Variants in CCDC15 observed in about 807,000 individuals in gnomAD.
CCDC15 encodes the protein coiled-coil domain-containing protein 15.
A neutral mutation model predicts 114.5 loss-of-function variants in CCDC15; 105 were observed. That is an observed-to-expected ratio of 0.92 (90% CI 0.78 to 1.08). The LOEUF (loss-of-function observed/expected upper bound fraction) is 1.08, where lower values mean the gene tolerates loss of function less well. CCDC15 is among the 50% of genes least tolerant of loss of function. The probability of loss-of-function intolerance (pLI) is 0.00; values close to 1 mark genes in which losing one functional copy is unlikely to be tolerated. For missense variants in CCDC15, 1,105 were observed against 1,093.6 expected (o/e 1.01, Z -0.15); for synonymous variants, 334 against 377.8 (o/e 0.88, Z 1.34).
At chr11:125,003,798 A>T in intron 11 of CCDC15, 69 bp from the exon 12 acceptor site, 2 of 820,456 alleles carry the variant, frequency 2.4e-6, no homozygotes, top group Non-Finnish European at 3.8e-6. Context: ...ACAGATAAAA[A>T]TATCAAAATT....
chr11:124,954,943 T>C (rs12272437), intron 2 of CCDC15, 34 bp downstream of exon 2: 262,035 of 1,587,816 alleles, frequency 0.17, 23,508 homozygotes, highest in African/African-American at 0.34. Flanking sequence ...ATGGTGGGGT[T>C]CCCCACCACC....
At chr11:125,017,724 C>T (rs1948637722) in intron 13 of CCDC15, among the ~76,000 whole-genome samples, 1 of 152,014 alleles carries the variant, frequency 6.6e-6, no homozygotes, top group African/African-American at 2.4e-5. Flanking sequence ...GTTATTGCCT[C>T]TGAAAACTGT....
At chr11:124,975,861 CTA>C (rs35308762) in intron 5 of CCDC15, among the ~76,000 whole-genome samples, 30,768 of 151,790 alleles carry the variant, frequency 0.2, 3,685 homozygotes, top group African/African-American at 0.33. Flanking sequence ...AAAATTGAAA[CTA>C]TTAATTTTTA....
chr11:125,004,975 C>T (rs1323519052), intron 12 of CCDC15, 134 bp from the exon 13 acceptor site: 1 of 491,610 alleles, frequency 2.0e-6, no homozygotes, highest in Non-Finnish European at 3.7e-6. Context: ...AAATTAAAGA[C>T]TTAATCATGT....
intron 14 of CCDC15, 84 bp from the exon 15 acceptor site, chr11:125,038,837 A>C: frequency 7.1e-7 from 1 of 1,416,460 alleles, no homozygotes; most frequent in East Asian, 2.3e-5. Context: ...TAGATTTAAC[A>C]GTTAAATCTG....
Position 124,992,678 on chromosome 11 carries a change from T to A in CCDC15, c.2130T>A (p.Pro710=). The change falls in exon 10 of 16, where the codon CCT becomes CCA. Residue 710 remains proline (P), a synonymous_variant. Transcript: ENST00000344762. The stretch of plus-strand genomic sequence containing the variant: ...CTAAAATCCAGGACCAAGACTCCCC[T>A]AGAGAACAGGTAGAACCGAATACAG... The part of the protein sequence containing the change: ...VVPKIQDQDS[P]REQNKHIKLP... 4 of 1,568,068 alleles carry A rather than the reference T, an allele frequency of 2.6e-6. No individual in the cohort carries two copies. Among genetic ancestry groups the A allele is most frequent in the Non-Finnish European group, 3.5e-6 (4 of 1,148,330 alleles).
chr11:124,993,332 T>C (rs1948303933), intron 11 of CCDC15, 89 bp downstream of exon 11: 1 of 819,064 alleles, frequency 1.2e-6, no homozygotes, highest in Non-Finnish European at 2.0e-6. Flanking sequence ...AAATTGCTTT[T>C]TTTTTGGCTG....
intron 13 of CCDC15, among the ~76,000 whole-genome samples, chr11:125,024,694 G>GT: frequency 6.6e-6 from 1 of 152,078 alleles, no homozygotes; most frequent in Middle Eastern, 3.4e-3. Context: ...ATTCCAGTGG[G>GT]TTTTTTACTT....
intron 2 of CCDC15, 77 bp downstream of exon 2, chr11:124,954,986 T>A: frequency 7.6e-7 from 1 of 1,322,962 alleles, no homozygotes; most frequent in Non-Finnish European, 1.1e-6. Flanking sequence ...CCTGGGTGCT[T>A]AAAGATGAAC....
intron 13 of CCDC15, among the ~76,000 whole-genome samples, chr11:125,022,982 C>A (rs1257167594): frequency 6.6e-6 from 1 of 151,852 alleles, no homozygotes; most frequent in African/African-American, 2.4e-5. Context: ...ACTTGATATA[C>A]AATAAACTGT....
At chr11:124,975,242 A>C (rs1446865838) in intron 5 of CCDC15, 33 bp downstream of exon 5, 3 of 1,280,818 alleles carry the variant, frequency 2.3e-6, no homozygotes, top group Non-Finnish European at 2.2e-6. Context: ...ATTTAAAAAA[A>C]TACAGGTAAA....
chr11:124,957,406 A>T (rs12273955), intron 2 of CCDC15, among the ~76,000 whole-genome samples: 30,856 of 152,108 alleles, frequency 0.2, 3,723 homozygotes, highest in African/African-American at 0.33. Context: ...TTCTCTTTTC[A>T]CATGGCTTCT....
intron 4 of CCDC15, among the ~76,000 whole-genome samples, chr11:124,970,002 G>A (rs11821171): frequency 0.065 from 9,569 of 146,494 alleles, 370 homozygotes; most frequent in African/African-American, 0.11. Context: ...AAGATCGAGG[G>A]GTTTCCAGGA....
chr11:125,035,266 C>T (rs1410947698), intron 13 of CCDC15, among the ~76,000 whole-genome samples: 2 of 152,134 alleles, frequency 1.3e-5, no homozygotes, highest in Non-Finnish European at 2.9e-5. Context: ...CTCACAGAAA[C>T]AGTCAGGAAT....
intron 13 of CCDC15, among the ~76,000 whole-genome samples, chr11:125,021,718 G>C (rs1024750688): frequency 6.6e-6 from 1 of 151,706 alleles, no homozygotes; most frequent in Non-Finnish European, 1.5e-5. Context: ...AAAGAGGGAC[G>C]GGGCTGACTC....
intron 6 of CCDC15, among the ~76,000 whole-genome samples, chr11:124,986,326 C>T (rs1948155805): frequency 6.6e-6 from 1 of 152,150 alleles, no homozygotes; most frequent in African/African-American, 2.4e-5. Context: ...TGTTTTGCTA[C>T]TATGGGTTCC....
At chr11:124,988,745 T>A (rs948841616) in intron 8 of CCDC15, among the ~76,000 whole-genome samples, 3 of 152,198 alleles carry the variant, frequency 2.0e-5, no homozygotes, top group Non-Finnish European at 2.9e-5. Context: ...TTTAACAATG[T>A]TCACAGTAGA....
At chr11:125,020,944 C>T (rs1487816436) in intron 13 of CCDC15, among the ~76,000 whole-genome samples, 2 of 151,468 alleles carry the variant, frequency 1.3e-5, no homozygotes, top group Non-Finnish European at 3.0e-5. Context: ...AGGAGAATAC[C>T]TGTGAGACAT....
At position 124,987,586 on chromosome 11, in the gene CCDC15, C is replaced by T. The variant is rs1948192865; in HGVS notation, c.1360C>T (p.Gln454Ter). 2 of 1,613,888 alleles carry T rather than the reference C, an allele frequency of 1.2e-6. No individual in the cohort carries two copies. The highest frequency in any genetic ancestry group is 1.7e-6 in the Non-Finnish European group (2 of 1,179,910). ...YQDQDFLPRDQHVLHKDQDIL... is the reference protein window; with the variant it reads ...YQDQDFLPRD ...GGACCAGGACTTCCTACCCAGAGAC[C>T]AGCATGTTCTCCACAAAGACCAAGA... The change falls in exon 8 of 16, where the codon CAG (glutamine) becomes TAG (stop). Residue 454 changes from glutamine to a stop codon, truncating the protein, a stop_gained. Coordinates refer to ENST00000344762, the MANE Select transcript of CCDC15 (RefSeq NM_025004.3). LOFTEE classifies it high-confidence loss of function.
Sources: gnomAD v4.1 joint callset for allele counts (sites outside exome capture counted in the v4.1 genomes callset) on GRCh38, gnomAD v4.1.1 for gene constraint, MANE v1.5 for transcripts, NCBI Gene and HGNC (gene_info 2026-07-23, HGNC 2026-07-21) for gene names.